The following ZNF385D variants were observed in gnomAD, a reference collection of about 807,000 sequenced individuals.
ZNF385D encodes zinc finger protein 659.
Under a neutral mutation model 35.8 loss-of-function variants are expected in ZNF385D, and 15 were observed. That is an observed-to-expected ratio of 0.42 (90% CI 0.28 to 0.64). The LOEUF is 0.64. Ranked by LOEUF, ZNF385D falls within the 30% of genes least tolerant of loss-of-function variation. The probability of loss-of-function intolerance (pLI) is 0.23; values close to 1 mark genes in which losing one functional copy is unlikely to be tolerated. For synonymous variants in ZNF385D, 212 were observed against 186.8 expected (o/e 1.13, Z -1.10); for missense variants, 474 against 494.6 (o/e 0.96, Z 0.39).
At chr3:22,253,238 C>G (rs751424776) in intron 2 of ZNF385D, among the ~76,000 whole-genome samples, 11 of 151,768 alleles carry the variant, frequency 7.2e-5, no homozygotes, top group Non-Finnish European at 1.6e-4. Context: ...TCAGAAGGTT[C>G]TAAACGGATA....
At chr3:21,518,357 C>T (rs1707707482) in intron 3 of ZNF385D, among the ~76,000 whole-genome samples, 1 of 152,094 alleles carries the variant, frequency 6.6e-6, no homozygotes, top group South Asian at 2.1e-4. Context: ...CATATGAGTG[C>T]TTTCCAAGTC....
At chr3:21,787,869 G>C (rs1257591429) in intron 3 of ZNF385D, among the ~76,000 whole-genome samples, 1 of 147,510 alleles carries the variant, frequency 6.8e-6, no homozygotes, top group Non-Finnish European at 1.5e-5. Context: ...GTGAACCCGG[G>C]AGGCGGAGCT....
chr3:21,668,234 G>C (rs928044129), intron 1 of ZNF385D, among the ~76,000 whole-genome samples: 1 of 152,120 alleles, frequency 6.6e-6, no homozygotes, highest in African/African-American at 2.4e-5. Context: ...TACCTAAGGT[G>C]ACCCTTAAGT....
At chr3:21,811,172 A>T (rs1357319024) in intron 3 of ZNF385D, among the ~76,000 whole-genome samples, 3 of 152,152 alleles carry the variant, frequency 2.0e-5, no homozygotes, top group African/African-American at 7.2e-5. Context: ...AACTCATTGT[A>T]TTCTGTTTAG....
chr3:21,692,589 A>G (rs2067317811), intron 1 of ZNF385D, among the ~76,000 whole-genome samples: 1 of 152,196 alleles, frequency 6.6e-6, no homozygotes, highest in South Asian at 2.1e-4. Context: ...TTCACAATCC[A>G]GCGCCAGTGT....
chr3:22,147,313 C>G (rs537020189), intron 3 of ZNF385D, among the ~76,000 whole-genome samples: 7 of 152,174 alleles, frequency 4.6e-5, no homozygotes, highest in African/African-American at 1.7e-4. Flanking sequence ...GGATTGATGC[C>G]AGTTCCAACG....
intron 3 of ZNF385D, among the ~76,000 whole-genome samples, chr3:21,825,981 G>C (rs1033547487): frequency 6.6e-6 from 1 of 152,178 alleles, no homozygotes. Flanking sequence ...GTTGGGGCTA[G>C]AGAATCTAAT....
chr3:22,151,440 T>C (rs968546653), intron 3 of ZNF385D, among the ~76,000 whole-genome samples: 1 of 152,158 alleles, frequency 6.6e-6, no homozygotes, highest in Non-Finnish European at 1.5e-5. Flanking sequence ...AGAGTTTGAA[T>C]AGAGATTGCA....
intron 2 of ZNF385D, among the ~76,000 whole-genome samples, chr3:21,626,569 G>A (rs1221469067): frequency 6.6e-6 from 1 of 152,062 alleles, no homozygotes; most frequent in Admixed American, 6.6e-5. Flanking sequence ...AAAGCGTTGA[G>A]GAGCTTTATG....
At chr3:22,002,374 C>G (rs938315780) in intron 3 of ZNF385D, among the ~76,000 whole-genome samples, 1 of 152,078 alleles carries the variant, frequency 6.6e-6, no homozygotes, top group Admixed American at 6.6e-5. Context: ...CTCACACAAC[C>G]TACCACAACT....
chr3:21,792,547 G>A lies in ZNF385D; in HGVS notation c.326-127519C>T, dbSNP rs371365842. 5.2e-4 allele frequency among the ~76,000 whole-genome samples: 79 copies of A among 152,282 alleles called. 1 individual carries two copies. The South Asian group carries it at 0.016, about 31-fold the overall frequency. On this transcript the variant is annotated intron_variant, in intron 3 of 5. Coordinates refer to the ZNF385D transcript ENST00000494108. ...AAAATAGTTAGTAGCTGGCTCTTTA[G>A]AGAAAGAATCTTTACATCCTTGGTC...
At chr3:22,124,691 A>G (rs564957734) in intron 3 of ZNF385D, among the ~76,000 whole-genome samples, 2 of 152,178 alleles carry the variant, frequency 1.3e-5, no homozygotes, top group South Asian at 2.1e-4. Flanking sequence ...ATATTTTCAT[A>G]TATTTGTTTG....
chr3:21,464,738 ATT>A (rs1559316310), intron 4 of ZNF385D, among the ~76,000 whole-genome samples: 4 of 150,602 alleles, frequency 2.7e-5, no homozygotes, highest in Admixed American at 6.6e-5. Context: ...CAAAAAATAA[ATT>A]AAAACACACA....
intron 2 of ZNF385D, among the ~76,000 whole-genome samples, chr3:21,589,693 A>G (rs1396034563): frequency 6.6e-6 from 1 of 152,186 alleles, no homozygotes; most frequent in Non-Finnish European, 1.5e-5. Flanking sequence ...TTCTAAGAGA[A>G]AATGGATATT....
chr3:21,734,358 TTTTG>T (rs141653238), intron 1 of ZNF385D, among the ~76,000 whole-genome samples: 24,356 of 145,070 alleles, frequency 0.17, 2,220 homozygotes, highest in South Asian at 0.24. Context: ...TAAAGATTTT[TTTTG>T]TTTTTCTTTT....
chr3:22,075,131 T>C (rs528911430), intron 3 of ZNF385D, among the ~76,000 whole-genome samples: 3 of 152,064 alleles, frequency 2.0e-5, no homozygotes, highest in African/African-American at 7.2e-5. Flanking sequence ...CAAGCATTGA[T>C]ACTTTCTAAA....
Position 21,711,039 on chromosome 3 carries a change from G to GTTTTTTTTTTTTTTTTTTTTTTTTTTTT in ZNF385D, c.22+39855_22+39856insAAAAAAAAAAAAAAAAAAAAAAAAAAAA, listed in dbSNP as rs869252663. On this transcript the variant is annotated intron_variant, in intron 1 of 7. Coordinates refer to ENST00000281523, the MANE Select transcript of ZNF385D (RefSeq NM_024697.3). ...TCTTAATTTCCTTATCCCTCTAAAA[G>GTTTTTTTTTTTTTTTTTTTTTTTTTTTT]TTTTTTTTTTTTTTTTTTTTGAGAT... Among the ~76,000 whole-genome samples, 6 of 83,140 alleles carry GTTTTTTTTTTTTTTTTTTTTTTTTTTTT rather than the reference G, an allele frequency of 7.2e-5. 2 individuals are homozygous for GTTTTTTTTTTTTTTTTTTTTTTTTTTTT. The highest frequency in any genetic ancestry group is 2.1e-4 in the African/African-American group (4 of 19,488). The allele number at this position is 83,140 out of a possible 152,430, so 54.5% of individuals were successfully genotyped here.
chr3:22,227,701 T>C (rs1029518889), intron 2 of ZNF385D, among the ~76,000 whole-genome samples: 1 of 152,146 alleles, frequency 6.6e-6, no homozygotes, highest in Non-Finnish European at 1.5e-5. Context: ...ATGATACCAT[T>C]GCCATGGCAA....
At chr3:22,269,697 T>C (rs1341387957) in intron 2 of ZNF385D, among the ~76,000 whole-genome samples, 1 of 151,922 alleles carries the variant, frequency 6.6e-6, no homozygotes, top group Non-Finnish European at 1.5e-5. Flanking sequence ...ATACAAAATA[T>C]AATTGATCAT....
Sources: allele counts gnomAD v4.1 joint callset (sites outside exome capture counted in the v4.1 genomes callset), GRCh38; gene constraint gnomAD v4.1.1; transcripts MANE v1.5; gene names NCBI Gene and HGNC (gene_info 2026-07-23, HGNC 2026-07-21).